Variants in MYOF observed in about 807,000 individuals in gnomAD.
MYOF encodes fer-1-like 3, myoferlin.
A neutral mutation model predicts 284.2 loss-of-function variants in MYOF; 244 were observed. The ratio of observed to expected loss-of-function variants is 0.86; its 90% CI spans 0.77 to 0.95. The LOEUF (loss-of-function observed/expected upper bound fraction) is 0.95, where lower values mean the gene tolerates loss of function less well. MYOF is among the 40% of genes least tolerant of loss of function. The pLI, the probability that MYOF is intolerant of heterozygous loss-of-function variation, is 0.00. For missense variants in MYOF, 2,496 were observed against 2,560.6 expected (o/e 0.97, Z 0.54); for synonymous variants, 904 against 919.7 (o/e 0.98, Z 0.31).
At chr10:93,358,334 C>CTTT (rs1564646804) in intron 29 of MYOF, among the ~76,000 whole-genome samples, 1 of 152,178 alleles carries the variant, frequency 6.6e-6, no homozygotes, top group Non-Finnish European at 1.5e-5. Context: ...AATAGGAAAG[C>CTTT]TTTTACACTG....
At chr10:93,354,117 G>A (rs1157352401) in intron 31 of MYOF, among the ~76,000 whole-genome samples, 2 of 152,236 alleles carry the variant, frequency 1.3e-5, no homozygotes, top group African/African-American at 4.8e-5. Flanking sequence ...GCTCATGCCT[G>A]TAATCCCAGA....
intron 45 of MYOF, among the ~76,000 whole-genome samples, chr10:93,327,821 G>A (rs997102227): frequency 1.3e-5 from 2 of 152,076 alleles, no homozygotes; most frequent in Non-Finnish European, 1.5e-5. Flanking sequence ...ACAGAGGCAC[G>A]ATCTCAGCTC....
At chr10:93,323,030 G>T (rs754891757) in intron 48 of MYOF, 48 bp downstream of exon 48, 1 of 1,528,254 alleles carries the variant, frequency 6.5e-7, no homozygotes, top group South Asian at 1.1e-5. Context: ...ACGAAGGAGA[G>T]AGTCTGTTTC....
chr10:93,389,853 T>C (rs892192954), intron 17 of MYOF, among the ~76,000 whole-genome samples: 1 of 152,108 alleles, frequency 6.6e-6, no homozygotes, highest in African/African-American at 2.4e-5. Flanking sequence ...GGTGGGGAAA[T>C]ATAAGAGTTG....
At chr10:93,442,041 C>CACACACACACAG (rs57700900) in intron 3 of MYOF, among the ~76,000 whole-genome samples, 2 of 142,628 alleles carry the variant, frequency 1.4e-5, no homozygotes, top group Non-Finnish European at 3.1e-5. Context: ...CACACACACA[C>CACACACACACAG]AGAATAAACC....
At chr10:93,334,255 A>G (rs1280945194) in intron 41 of MYOF, among the ~76,000 whole-genome samples, 4 of 152,072 alleles carry the variant, frequency 2.6e-5, no homozygotes, top group African/African-American at 9.7e-5. Flanking sequence ...TTTAAACCCA[A>G]CGAAATACCA....
rs138807406 is a variant in MYOF at position 93,347,832 on chromosome 10, C to G, written c.4084-50G>C. The G allele has an allele frequency of 3.8e-3, 6,010 of 1,564,112 alleles. 21 individuals carry two copies. Among genetic ancestry groups the G allele is most frequent in the Non-Finnish European group, 4.4e-3 (5,043 of 1,149,876 alleles). ...ATTTCTCAAGACCAGACGAGGGCAG[C>G]TTTGAGAAAAATTCCCCAGATGGAC... On this transcript the variant is annotated intron_variant, in intron 36 of 53. Coordinates refer to ENST00000359263, the MANE Select transcript of MYOF (RefSeq NM_013451.4).
chr10:93,466,975 C>T (rs2057023459), intron 1 of MYOF, among the ~76,000 whole-genome samples: 1 of 151,378 alleles, frequency 6.6e-6, no homozygotes. Flanking sequence ...AAGACCCTAT[C>T]TCAAACAAAC....
intron 7 of MYOF, among the ~76,000 whole-genome samples, chr10:93,406,864 C>T (rs548469867): frequency 2.0e-5 from 3 of 151,766 alleles, no homozygotes; most frequent in East Asian, 1.9e-4. Context: ...AAAGGACAAA[C>T]GCCAGAGCTG....
At position 93,404,046 on chromosome 10, in the gene MYOF, C is replaced by A. The variant is rs1389181826; in HGVS notation, c.820G>T (p.Asp274Tyr). The change falls in exon 9 of 54, where the codon GAT becomes TAT. Residue 274 changes from aspartate to tyrosine, a missense_variant. Physicochemically the swap from Asp to Tyr is radical, Grantham distance 160 (BLOSUM62 -3). Transcript: ENST00000359263. The stretch of plus-strand genomic sequence containing the variant: ...ACCTTAAATTCCCCCATCAGACAAT[C>A]TGCCCGCAGAGAGTGAGAATTATAA... Reference protein sequence around the residue: ...RVYNSHSLRADCLMGEFKIDV... With the variant: ...RVYNSHSLRAYCLMGEFKIDV... The A allele has an allele frequency of 6.2e-7, 1 of 1,614,154 alleles. No individual in the cohort carries two copies. Among genetic ancestry groups the A allele is most frequent in the East Asian group, 2.2e-5 (1 of 44,868 alleles).
chr10:93,333,958 A>C (rs754874175), intron 41 of MYOF, 45 bp from the exon 42 acceptor site: 2 of 1,588,762 alleles, frequency 1.3e-6, no homozygotes, highest in African/African-American at 1.3e-5. Context: ...TGGGTGGCCC[A>C]GGTAGAGGGC....
Position 93,377,322 on chromosome 10 carries a change from C to T in MYOF, c.2108+1G>A. 2 of 1,610,984 alleles carry T rather than the reference C, an allele frequency of 1.2e-6. No individual in the cohort carries two copies. On this transcript the variant is annotated splice_donor_variant, in intron 22 of 53. Transcript: ENST00000359263. LOFTEE classifies it high-confidence loss of function. ...CTGAGATAGGCGTAAGATCACTGTA[C>T]CTCGTGTCTTCTATAACTTCATCTA...
intron 3 of MYOF, among the ~76,000 whole-genome samples, chr10:93,449,129 T>C (rs2056520355): frequency 6.6e-6 from 1 of 152,174 alleles, no homozygotes; most frequent in African/African-American, 2.4e-5. Context: ...AGTCTCTGAA[T>C]TGAGAGGTGC....
In MYOF at chr10:93,385,139, G is replaced by A. The variant is rs866354309; in HGVS notation, c.1698+2658C>T. 6.4e-4 allele frequency among the ~76,000 whole-genome samples: 97 copies of A among 152,308 alleles called. 1 individual carries two copies. Among genetic ancestry groups the A allele is most frequent in the Middle Eastern group, 6.8e-3 (2 of 294 alleles). ...ACATCCAAGGAAAATGGGGAAAGAGGAGCAGGGAGAAAGCAGTCCAAGAAC... is the reference window on the plus strand; with the variant it reads ...ACATCCAAGGAAAATGGGGAAAGAGAAGCAGGGAGAAAGCAGTCCAAGAAC... On this transcript the variant is annotated intron_variant, in intron 19 of 53. Coordinates refer to ENST00000359263, the MANE Select transcript of MYOF (RefSeq NM_013451.4).
rs982924264 is a variant in MYOF at position 93,431,404 on chromosome 10, T to C, written c.345+4A>G. ...AGCCATTCAATAAGAGAGAAAACACTCACCCCAGTATCTTGCCCTTTTTCA... is the reference window on the plus strand; with the variant it reads ...AGCCATTCAATAAGAGAGAAAACACCCACCCCAGTATCTTGCCCTTTTTCA... On this transcript the variant is annotated splice_donor_region_variant and intron_variant, in intron 4 of 53. Coordinates refer to ENST00000359263, the MANE Select transcript of MYOF (RefSeq NM_013451.4). 6.2e-7 allele frequency: 1 copy of C among 1,612,430 alleles called. No individual in the cohort carries two copies. The highest frequency in any genetic ancestry group is 1.1e-5 in the South Asian group (1 of 91,022).
chr10:93,332,040 G>A (rs1299374427), intron 43 of MYOF, among the ~76,000 whole-genome samples: 3 of 151,978 alleles, frequency 2.0e-5, no homozygotes, highest in African/African-American at 4.8e-5. Context: ...GCTAAATCTC[G>A]GCTCTATCAC....
intron 5 of MYOF, among the ~76,000 whole-genome samples, chr10:93,424,104 G>C (rs1848477673): frequency 6.6e-6 from 1 of 152,150 alleles, no homozygotes; most frequent in African/African-American, 2.4e-5. Context: ...TCAGACTTTT[G>C]ATTTCCAGAA....
At position 93,340,288 on chromosome 10, in the gene MYOF, A is replaced by G. The variant is rs1589414325; in HGVS notation, c.4327-124T>C. The G allele has an allele frequency of 5.4e-5, 50 of 930,172 alleles. No individual in the cohort carries two copies. In the East Asian group the frequency reaches 1.3e-3, roughly 23 times the overall value. 57.6% of individuals were successfully genotyped at this position (930,172 alleles called of 1,614,324 possible). A position where few individuals can be genotyped will look rare whatever the true frequency, so the allele number is the denominator to read the frequency against. On this transcript the variant is annotated intron_variant, in intron 38 of 53. Transcript: ENST00000359263. ...AAAAATTATTATTCATGCATGCCTT[A>G]TATTATCAACATTTCAATGGGCTAA...
chr10:93,478,505 A>C (rs2057315373), intron 1 of MYOF: 1 of 154,920 alleles, frequency 6.5e-6, no homozygotes, highest in African/African-American at 2.4e-5. Flanking sequence ...AGTTCCTACC[A>C]GGCCCTGAGT....
Sources: gnomAD v4.1 joint callset for allele counts (sites outside exome capture counted in the v4.1 genomes callset) on GRCh38, gnomAD v4.1.1 for gene constraint, MANE v1.5 for transcripts, NCBI Gene and HGNC (gene_info 2026-07-23, HGNC 2026-07-21) for gene names.